Variants in CTPS2 observed in about 807,000 individuals in gnomAD.
The protein encoded by CTPS2 is CTP synthase 2.
CTPS2 carries 19 observed loss-of-function variants against 46.8 expected under a neutral mutation model. That is an observed-to-expected ratio of 0.41 (90% CI 0.28 to 0.60). CTPS2 has a LOEUF of 0.60. CTPS2 is among the 20% of genes least tolerant of loss of function. The pLI is 0.35. For synonymous variants in CTPS2, 151 were observed against 165.2 expected (o/e 0.91, Z 0.66); for missense variants, 286 against 447.6 (o/e 0.64, Z 3.26).
intron 17 of CTPS2, among the ~76,000 whole-genome samples, chrX:16,599,782 C>T (rs765056075): frequency 9.3e-6 from 1 of 107,379 alleles, no homozygotes; most frequent in Non-Finnish European, 1.9e-5. Context: ...GGCACCCCCC[C>T]CCTTTTTTTT....
intron 14 of CTPS2, among the ~76,000 whole-genome samples, chrX:16,633,657 G>A (rs1445499233): frequency 8.9e-6 from 1 of 111,869 alleles, no homozygotes; most frequent in Admixed American, 9.5e-5. Context: ...CTTCAGACCT[G>A]GGCACTATAT....
chrX:16,710,785 AT>A (rs1303713710), intron 1 of CTPS2, among the ~76,000 whole-genome samples: 1 of 111,637 alleles, frequency 9.0e-6, no homozygotes. Context: ...TTCCCAGCTA[AT>A]TTTTGTATCT....
chrX:16,649,976 G>A (rs1932525831), intron 13 of CTPS2, among the ~76,000 whole-genome samples: 1 of 111,809 alleles, frequency 8.9e-6, no homozygotes, highest in Admixed American at 9.5e-5. Context: ...GAACCATGAA[G>A]CAACTGTCGA....
At chrX:16,703,588 C>T (rs960474044) in intron 1 of CTPS2, among the ~76,000 whole-genome samples, 8 of 111,775 alleles carry the variant, frequency 7.2e-5, no homozygotes, top group Non-Finnish European at 1.1e-4. Flanking sequence ...TTGCCTTGGC[C>T]TCCCAAGATG....
rs775730642 is a variant in CTPS2 at position 16,615,902 on chromosome X, A to G, written c.1546+1248T>C. ...CTTATGATGGGTAAGAAGGTCACAG[A>G]TAACACCTTTCTACCCCTAAACTGT... On this transcript the variant is annotated intron_variant, in intron 16 of 18. Transcript: ENST00000359276. Among the ~76,000 whole-genome samples, 12 of 112,560 alleles carry G rather than the reference A, an allele frequency of 1.1e-4. No homozygotes were observed. The South Asian group carries it at 4.1e-3, about 38-fold the overall frequency.
At chrX:16,618,016 C>T (rs979321323) in intron 15 of CTPS2, among the ~76,000 whole-genome samples, 14 of 111,789 alleles carry the variant, frequency 1.3e-4, no homozygotes, top group Admixed American at 4.8e-4. Context: ...AATGATTTTT[C>T]GTATATTCAG....
chrX:16,620,994 C>T (rs1248426360), intron 14 of CTPS2, among the ~76,000 whole-genome samples: 1 of 111,916 alleles, frequency 8.9e-6, no homozygotes, highest in Non-Finnish European at 1.9e-5. Flanking sequence ...TATTTAATAG[C>T]AAATAATTGG....
chrX:16,654,463 T>A (rs772463175), intron 13 of CTPS2: 1 of 1,201,174 alleles, frequency 8.3e-7, no homozygotes, highest in South Asian at 1.8e-5. Flanking sequence ...GATGGAGAAG[T>A]TAGTTTTGAA....
intron 1 of CTPS2, among the ~76,000 whole-genome samples, chrX:16,706,876 C>A (rs1428141395): frequency 9.5e-6 from 1 of 104,812 alleles, no homozygotes; most frequent in African/African-American, 3.5e-5. Flanking sequence ...AAAAAACAAA[C>A]AAACAAACAA....
chrX:16,677,471 G>A (rs1468623538), intron 10 of CTPS2, among the ~76,000 whole-genome samples: 1 of 111,218 alleles, frequency 9.0e-6, no homozygotes, highest in Non-Finnish European at 1.9e-5. Context: ...AGAAGTTACA[G>A]AAGATGGAGC....
intron 11 of CTPS2, among the ~76,000 whole-genome samples, chrX:16,669,422 G>A (rs1381306989): frequency 9.2e-6 from 1 of 109,241 alleles, no homozygotes; most frequent in Non-Finnish European, 1.9e-5. Flanking sequence ...GAGTGCTGGG[G>A]GGTGGGGGTG....
intron 10 of CTPS2, among the ~76,000 whole-genome samples, chrX:16,672,792 C>A (rs1240316698): frequency 9.1e-6 from 1 of 109,433 alleles, no homozygotes; most frequent in Non-Finnish European, 1.9e-5. Context: ...CTCTCTCTCT[C>A]TCTGTGCAAA....
intron 17 of CTPS2, among the ~76,000 whole-genome samples, chrX:16,598,348 G>A (rs1929414632): frequency 2.7e-5 from 3 of 110,382 alleles, no homozygotes; most frequent in Admixed American, 1.9e-4. Context: ...AGAATCAAAT[G>A]GACGCAATAA....
intron 8 of CTPS2, among the ~76,000 whole-genome samples, chrX:16,688,438 T>C (rs1291784879): frequency 1.4e-5 from 1 of 72,547 alleles, no homozygotes; most frequent in African/African-American, 9.5e-5. Context: ...TTAATTTCCC[T>C]TTTTTTTTTT....
chrX:16,693,217 G>T lies in CTPS2; in HGVS notation c.563C>A (p.Ala188Asp), dbSNP rs1569233967. The stretch of plus-strand genomic sequence containing the variant: ...GGGTTTGGTTTTTTGTTCTCCGGTA[G>T]CACTGAGCTGAAAAAAAATGGGGTC... ...IHVSLVPQLSATGEQKTKPTQ... is the reference protein window; with the variant it reads ...IHVSLVPQLSDTGEQKTKPTQ... Residue 188 changes from alanine to aspartate, a missense_variant, in exon 6 of 19, where the codon GCT becomes GAT. Physicochemically the swap from Ala to Asp is moderately radical, Grantham distance 126 (BLOSUM62 -2). Transcript: ENST00000359276. The T allele has an allele frequency of 8.3e-7, 1 of 1,207,665 alleles. No homozygotes were observed. The highest frequency in any genetic ancestry group is 1.7e-5 in the African/African-American group (1 of 57,560).
intron 13 of CTPS2, among the ~76,000 whole-genome samples, chrX:16,640,269 C>T (rs766297274): frequency 7.2e-5 from 8 of 111,641 alleles, no homozygotes; most frequent in African/African-American, 2.6e-4. Context: ...GCCGTGGCGA[C>T]TTGGCCCACA....
At chrX:16,664,478 C>T (rs1921003259) in intron 13 of CTPS2, among the ~76,000 whole-genome samples, 1 of 111,419 alleles carries the variant, frequency 9.0e-6, no homozygotes, top group African/African-American at 3.3e-5. Flanking sequence ...CTATGTGCTT[C>T]CGTGGGGTGA....
At chrX:16,680,488 G>A (rs1294377848) in intron 9 of CTPS2, among the ~76,000 whole-genome samples, 1 of 105,575 alleles carries the variant, frequency 9.5e-6, no homozygotes, top group Admixed American at 1.0e-4. Flanking sequence ...CCCGGAGGTG[G>A]AGGTTGCAGT....
chrX:16,632,372 G>A (rs1401392560), intron 14 of CTPS2, among the ~76,000 whole-genome samples: 1 of 111,673 alleles, frequency 9.0e-6, no homozygotes, highest in Non-Finnish European at 1.9e-5. Flanking sequence ...TGAAGGTAGA[G>A]CATCAAGGAG....
Sources: gnomAD v4.1 joint callset for allele counts (sites outside exome capture counted in the v4.1 genomes callset) on GRCh38, gnomAD v4.1.1 for gene constraint, MANE v1.5 for transcripts, NCBI Gene and HGNC (gene_info 2026-07-23, HGNC 2026-07-21) for gene names.